Variants in RHOG observed in about 807,000 individuals in gnomAD.
RHOG encodes the protein ras homolog family member G, also known as rho-related GTP-binding protein RhoG.
RHOG carries 1 observed loss-of-function variant against 12.3 expected under a neutral mutation model. The ratio of observed to expected loss-of-function variants is 0.08; its 90% CI spans 0.03 to 0.39. The LOEUF is 0.39. RHOG is among the 10% of genes least tolerant of loss of function. RHOG has a pLI of 0.99. For missense variants in RHOG, 114 were observed against 266.2 expected, an observed-to-expected ratio of 0.43 and a Z score of 3.98; for synonymous variants, 129 against 116.0, an observed-to-expected ratio of 1.11 and a Z score of -0.72.
At chr11:3,834,359 G>A (rs1201259697) in intron 1 of RHOG, among the ~76,000 whole-genome samples, 2 of 152,138 alleles carry the variant, frequency 1.3e-5, no homozygotes, top group Non-Finnish European at 2.9e-5. Context: ...AAACCTCTAA[G>A]TATAGGGCTA....
chr11:3,838,454 T>C (rs942774038), intron 1 of RHOG, among the ~76,000 whole-genome samples: 1 of 152,200 alleles, frequency 6.6e-6, no homozygotes, highest in African/African-American at 2.4e-5. Flanking sequence ...CTGGGACTCC[T>C]GGGGTTTTTA....
chr11:3,831,918 G>A (rs1191494841), intron 1 of RHOG, among the ~76,000 whole-genome samples: 1 of 152,172 alleles, frequency 6.6e-6, no homozygotes, highest in Non-Finnish European at 1.5e-5. Flanking sequence ...CCAAGAGACT[G>A]GAAGTACAGC....
rs1442587406 is a variant in RHOG at position 3,827,360 on chromosome 11, C to T, written c.*203G>A. The T allele has an allele frequency of 1.0e-5, 6 of 592,486 alleles. No homozygotes were observed. The highest frequency in any genetic ancestry group is 1.8e-5 in the Non-Finnish European group (6 of 333,760). 36.7% of individuals were successfully genotyped at this position (592,486 alleles called of 1,614,324 possible). A position where few individuals can be genotyped will look rare whatever the true frequency, so the allele number is the denominator to read the frequency against. ...AGCTCATGAGAATACCCAGTGTTCC[C>T]AAGCAGAGGGGGGCAGAGCCCAAAG... On this transcript the variant is annotated 3_prime_UTR_variant, in exon 2 of 2. Coordinates refer to ENST00000351018, the MANE Select transcript of RHOG (RefSeq NM_001665.4). This position sits in a 1 kb window ranked among gnomAD's most constrained non-coding sequence, Gnocchi z 7.3.
At chr11:3,837,159 C>A (rs1335813179) in intron 1 of RHOG, among the ~76,000 whole-genome samples, 9 of 152,154 alleles carry the variant, frequency 5.9e-5, no homozygotes, top group Admixed American at 5.9e-4. Flanking sequence ...GGCACCCCCA[C>A]CTGAAAATAC....
intron 1 of RHOG, among the ~76,000 whole-genome samples, chr11:3,831,749 G>A (rs776835651): frequency 2.0e-5 from 3 of 152,314 alleles, no homozygotes; most frequent in South Asian, 4.2e-4. Flanking sequence ...AGCGGATTAC[G>A]TGGGAAGCCT....
Position 3,828,225 on chromosome 11 carries a change from G to C in RHOG, c.-68-19C>G, listed in dbSNP as rs771674026. The C allele has an allele frequency of 1.2e-5, 15 of 1,248,684 alleles. No homozygotes were observed. Among genetic ancestry groups the C allele is most frequent in the Non-Finnish European group, 1.7e-5 (15 of 891,862 alleles). 77.4% of individuals were successfully genotyped at this position (1,248,684 alleles called of 1,614,324 possible). On this transcript the variant is annotated intron_variant, in intron 1 of 1. Coordinates refer to ENST00000351018, the MANE Select transcript of RHOG (RefSeq NM_001665.4). ...CAGTGACCTGTGGACAGATGAAAGGGGACATTCTTGGTTAGGGAGGCCTCT... is the reference window on the plus strand; with the variant it reads ...CAGTGACCTGTGGACAGATGAAAGGCGACATTCTTGGTTAGGGAGGCCTCT...
chr11:3,831,753 G>A (rs895277688), intron 1 of RHOG, among the ~76,000 whole-genome samples: 1 of 152,210 alleles, frequency 6.6e-6, no homozygotes, highest in Admixed American at 6.5e-5. Flanking sequence ...GATTACGTGG[G>A]AAGCCTTGAC....
chr11:3,834,407 C>T (rs1187624703), intron 1 of RHOG, among the ~76,000 whole-genome samples: 2 of 152,204 alleles, frequency 1.3e-5, no homozygotes, highest in African/African-American at 4.8e-5. Context: ...TTTTGATCTG[C>T]TTGTACCAGC....
chr11:3,829,887 C>T (rs1396871361), intron 1 of RHOG, among the ~76,000 whole-genome samples: 2 of 152,196 alleles, frequency 1.3e-5, no homozygotes, highest in Non-Finnish European at 2.9e-5. Flanking sequence ...GCTGGGATTA[C>T]AGGCGCATGC....
chr11:3,839,602 A>AACACACACACAAACACACACACAC (rs1554948262), intron 1 of RHOG, among the ~76,000 whole-genome samples: 18 of 141,698 alleles, frequency 1.3e-4, no homozygotes, highest in African/African-American at 4.7e-4. Flanking sequence ...CACACACGCA[A>AACACACACACAAACACACACACAC]ACACACACAC....
In RHOG at chr11:3,827,668, G is replaced by A; in HGVS notation, c.471C>T (p.Cys157=). The A allele has an allele frequency of 6.2e-7, 1 of 1,614,004 alleles. No homozygotes were observed. The highest frequency in any genetic ancestry group is 1.1e-5 in the South Asian group (1 of 91,086). The change falls in exon 2 of 2, where the codon TGC becomes TGT. Residue 157 remains cysteine, a synonymous_variant. Transcript: ENST00000351018. The surrounding 1 kb of genome is among the most constrained non-coding windows in gnomAD (Gnocchi z 7.3). ...KQIHAVRYLE[C]SALQQDGVKE... ...TGACACCATCCTGTTGCAGGGCTGA[G>A]CATTCGAGGTAGCGCACAGCGTGGA...
chr11:3,828,847 C>G (rs1016043363), intron 1 of RHOG, among the ~76,000 whole-genome samples: 2 of 151,850 alleles, frequency 1.3e-5, no homozygotes, highest in Non-Finnish European at 2.9e-5. Context: ...GTCTCGATCT[C>G]CTGACCTCGT....
chr11:3,833,875 C>T (rs938048356), intron 1 of RHOG, among the ~76,000 whole-genome samples: 2 of 152,188 alleles, frequency 1.3e-5, no homozygotes, highest in African/African-American at 4.8e-5. Flanking sequence ...CTCTAATCTT[C>T]CTTACTCCTT....
Position 3,827,480 on chromosome 11 carries a change from TA to T in RHOG, c.*82del. The T allele has an allele frequency of 8.5e-7, 1 of 1,177,790 alleles. No homozygotes were observed. Among genetic ancestry groups the T allele is most frequent in the Non-Finnish European group, 1.2e-6 (1 of 827,322 alleles). The allele number at this position is 1,177,790 out of a possible 1,614,324, so 73.0% of individuals were successfully genotyped here. The stretch of plus-strand genomic sequence containing the variant: ...GGAAAGGGGTGCCAGAATTAGTCCT[TA>T]AGGCACAGCTGAGGCGGACAAGGCA... On this transcript the variant is annotated 3_prime_UTR_variant, in exon 2 of 2. Transcript: ENST00000351018. This position sits in a 1 kb window ranked among gnomAD's most constrained non-coding sequence, Gnocchi z 7.3.
chr11:3,827,681 C>T lies in RHOG; in HGVS notation c.458G>A (p.Arg153His), dbSNP rs2090090071. 3 of 1,613,942 alleles carry T rather than the reference C, an allele frequency of 1.9e-6. No individual in the cohort carries two copies. Among genetic ancestry groups the T allele is most frequent in the African/African-American group, 1.3e-5 (1 of 74,948 alleles). Residue 153 changes from arginine to histidine, a missense_variant, in exon 2 of 2, where the codon CGC (arginine) becomes CAC (histidine). Arg to His is a conservative substitution (Grantham distance 29). Around this residue, in one of 2 missense-constraint regions of RHOG, gnomAD observed 61 missense variants for 101.4 expected, o/e 0.60. Transcript: ENST00000351018. This position sits in a 1 kb window ranked among gnomAD's most constrained non-coding sequence, Gnocchi z 7.3. Reference sequence around the variant, plus strand: ...TTGCAGGGCTGAGCATTCGAGGTAGCGCACAGCGTGGATCTGCTTGGCCAG... The same window carrying T: ...TTGCAGGGCTGAGCATTCGAGGTAGTGCACAGCGTGGATCTGCTTGGCCAG... The part of the protein sequence containing the change: ...QALAKQIHAV[R>H]YLECSALQQD...
In RHOG at chr11:3,827,186, T is replaced by G; in HGVS notation, c.*377A>C. ...ATTCCAAGAGCAGCGAGGGCAGAGG[T>G]TAGAGATGGCTGAGAGCCCCTAACC... On this transcript the variant is annotated 3_prime_UTR_variant, in exon 2 of 2. Transcript: ENST00000351018. This position sits in a 1 kb window ranked among gnomAD's most constrained non-coding sequence, Gnocchi z 7.3. 2.6e-5 allele frequency: 6 copies of G among 233,890 alleles called. No individual in the cohort carries two copies. Among genetic ancestry groups the G allele is most frequent in the South Asian group, 1.6e-4 (2 of 12,672 alleles). The allele number at this position is 233,890 out of a possible 1,614,324, so 14.5% of individuals were successfully genotyped here.
chr11:3,834,353 C>G (rs970369270), intron 1 of RHOG, among the ~76,000 whole-genome samples: 1 of 152,180 alleles, frequency 6.6e-6, no homozygotes, highest in African/African-American at 2.4e-5. Context: ...AAAAAAAAAC[C>G]TCTAAGTATA....
chr11:3,838,723 C>CT (rs368198468), intron 1 of RHOG, among the ~76,000 whole-genome samples: 52 of 152,262 alleles, frequency 3.4e-4, no homozygotes, highest in African/African-American at 1.0e-3. Flanking sequence ...CTCTACTTCT[C>CT]TTTTTTTCTA....
intron 1 of RHOG, among the ~76,000 whole-genome samples, chr11:3,832,533 T>C (rs949433703): frequency 3.9e-5 from 6 of 152,246 alleles, no homozygotes; most frequent in Middle Eastern, 6.8e-3. Flanking sequence ...ACCATGGGAA[T>C]GAATACACTT....
Sources: allele counts gnomAD v4.1 joint callset (sites outside exome capture counted in the v4.1 genomes callset), GRCh38; gene constraint gnomAD v4.1.1; regional missense constraint gnomAD v4.1.1; non-coding constraint Gnocchi (gnomAD v3.1); transcripts MANE v1.5; gene names NCBI Gene and HGNC (gene_info 2026-07-23, HGNC 2026-07-21).